SCG3: variants seen among roughly 807,000 people sequenced by gnomAD.
SCG3 encodes secretogranin-3.
SCG3 carries 38 observed loss-of-function variants against 56.2 expected under a neutral mutation model. The ratio of observed to expected loss-of-function variants is 0.68; its 90% CI spans 0.52 to 0.89. SCG3 has a LOEUF of 0.89. Ranked by LOEUF, SCG3 falls within the 40% of genes least tolerant of loss-of-function variation. The pLI, the probability that SCG3 is intolerant of heterozygous loss-of-function variation, is 0.00. For synonymous variants in SCG3, 176 were observed against 184.2 expected (o/e 0.96, Z 0.36); for missense variants, 524 against 540.7 (o/e 0.97, Z 0.31).
At chr15:51,690,354 C>A (rs2055258678) in intron 6 of SCG3, among the ~76,000 whole-genome samples, 1 of 152,148 alleles carries the variant, frequency 6.6e-6, no homozygotes, top group Non-Finnish European at 1.5e-5. Context: ...TTAGATGAAA[C>A]TGACCATAAG....
intron 10 of SCG3, 25 bp from the exon 11 acceptor site, chr15:51,713,308 G>A: frequency 6.8e-7 from 1 of 1,463,772 alleles, no homozygotes; most frequent in Non-Finnish European, 9.5e-7. Context: ...CTGAGTGTTT[G>A]ATATAGTTCT....
chr15:51,700,447 ACAAAGGATTACT>A (rs1654076116), intron 9 of SCG3, among the ~76,000 whole-genome samples: 1 of 152,244 alleles, frequency 6.6e-6, no homozygotes, highest in South Asian at 2.1e-4. Context: ...TTTTAATTCA[ACAAAGGATTACT>A]ACATGGAAAT....
At chr15:51,688,549 C>T (rs539384765) in intron 5 of SCG3, 147 bp downstream of exon 5, 16 of 653,840 alleles carry the variant, frequency 2.4e-5, no homozygotes, top group Non-Finnish European at 3.2e-5. Flanking sequence ...AGCAAAGCAC[C>T]ATTCTTTTTT....
chr15:51,701,708 C>A (rs1417003589), intron 10 of SCG3, among the ~76,000 whole-genome samples: 6 of 152,138 alleles, frequency 3.9e-5, no homozygotes, highest in African/African-American at 1.4e-4. Context: ...GGGTTTGAGA[C>A]CAGCCTGGGC....
chr15:51,690,951 G>T (rs920623923), intron 6 of SCG3, among the ~76,000 whole-genome samples: 38 of 152,150 alleles, frequency 2.5e-4, no homozygotes. Context: ...TAGTGGAAGA[G>T]GTAGATCATG....
Position 51,681,503 on chromosome 15 carries a change from A to C in SCG3, c.-253A>C, listed in dbSNP as rs1451581753. 1 of 526,064 alleles carries C rather than the reference A, an allele frequency of 1.9e-6. No homozygotes were observed. Among genetic ancestry groups the C allele is most frequent in the African/African-American group, 1.9e-5 (1 of 52,252 alleles). 32.6% of individuals were successfully genotyped at this position (526,064 alleles called of 1,614,324 possible). A position where few individuals can be genotyped will look rare whatever the true frequency, so the allele number is the denominator to read the frequency against. ...CGCCCTGGCGCGCAGTCTCCGCGTC[A>C]CAGGAACTTCAGCACCCACAGGGCG... On this transcript the variant is annotated 5_prime_UTR_variant, in exon 1 of 12. Coordinates refer to ENST00000220478, the MANE Select transcript of SCG3 (RefSeq NM_013243.4).
chr15:51,699,495 C>T (rs951673543), intron 9 of SCG3, 93 bp downstream of exon 9: 3 of 906,268 alleles, frequency 3.3e-6, no homozygotes, highest in African/African-American at 1.7e-5. Flanking sequence ...TTAAAAATTA[C>T]AGATTTTGAA....
At chr15:51,687,167 T>G (rs2055234522) in intron 4 of SCG3, among the ~76,000 whole-genome samples, 1 of 152,216 alleles carries the variant, frequency 6.6e-6, no homozygotes, top group African/African-American at 2.4e-5. Flanking sequence ...TACATTAGCT[T>G]TCATATATTA....
intron 4 of SCG3, 46 bp from the exon 5 acceptor site, chr15:51,688,214 T>C (rs1567216413): frequency 1.3e-6 from 2 of 1,557,928 alleles, no homozygotes; most frequent in Admixed American, 3.6e-5. Context: ...ATGCATGAAA[T>C]AGATCTATGA....
At chr15:51,717,187 G>A (rs2055462195) in intron 11 of SCG3, among the ~76,000 whole-genome samples, 1 of 152,144 alleles carries the variant, frequency 6.6e-6, no homozygotes, top group Non-Finnish European at 1.5e-5. Context: ...GGCCAATATG[G>A]TGAACCTCCA....
chr15:51,700,535 T>G (rs569787774), intron 9 of SCG3, among the ~76,000 whole-genome samples: 1 of 152,326 alleles, frequency 6.6e-6, no homozygotes, highest in Admixed American at 6.5e-5. Context: ...TTCAAGTCTC[T>G]TCTTCGAATT....
chr15:51,716,845 C>T (rs759189980), intron 11 of SCG3, among the ~76,000 whole-genome samples: 1 of 152,244 alleles, frequency 6.6e-6, no homozygotes, highest in Non-Finnish European at 1.5e-5. Flanking sequence ...CCTTCCTTTG[C>T]ACCAGTTGCA....
chr15:51,713,287 A>G (rs987461404), intron 10 of SCG3, 46 bp from the exon 11 acceptor site: 2 of 1,220,020 alleles, frequency 1.6e-6, no homozygotes, highest in African/African-American at 3.0e-5. Flanking sequence ...AATGAGATGT[A>G]GTGATATTTC....
intron 4 of SCG3, 79 bp from the exon 5 acceptor site, chr15:51,688,181 G>T: frequency 7.6e-7 from 1 of 1,322,368 alleles, no homozygotes; most frequent in Non-Finnish European, 1.0e-6. Context: ...CAAAAGCGAA[G>T]TACAGATTAT....
At chr15:51,709,691 A>ATT (rs2055402460) in intron 10 of SCG3, among the ~76,000 whole-genome samples, 1 of 15,328 alleles carries the variant, frequency 6.5e-5, no homozygotes, top group Non-Finnish European at 1.3e-4. Flanking sequence ...ATATATATAT[A>ATT]TATATATATA....
chr15:51,696,784 C>T (rs917321749), intron 8 of SCG3, among the ~76,000 whole-genome samples: 2 of 152,044 alleles, frequency 1.3e-5, no homozygotes, highest in Admixed American at 6.5e-5. Flanking sequence ...CACTCACTAT[C>T]GGAGGACAGC....
chr15:51,696,138 C>T (rs1178030597), intron 8 of SCG3, 147 bp downstream of exon 8: 3 of 649,626 alleles, frequency 4.6e-6, no homozygotes, highest in Non-Finnish European at 8.2e-6. Flanking sequence ...ATAATATATA[C>T]AAATAAAATT....
At position 51,699,403 on chromosome 15, in the gene SCG3, G is replaced by C; in HGVS notation, c.1069+1G>C. On this transcript the variant is annotated splice_donor_variant, in intron 9 of 11. Transcript: ENST00000220478. LOFTEE classifies it high-confidence loss of function. The stretch of plus-strand genomic sequence containing the variant: ...GACAATATAAGCAAGCTTTTCCCAG[G>C]TATGATTATTTAACTATTTTTTTAG... 6.3e-7 allele frequency: 1 copy of C among 1,584,326 alleles called. No individual in the cohort carries two copies. Among genetic ancestry groups the C allele is most frequent in the Non-Finnish European group, 8.6e-7 (1 of 1,161,690 alleles).
chr15:51,682,623 AT>A, intron 2 of SCG3, 54 bp downstream of exon 2: 2 of 993,508 alleles, frequency 2.0e-6, no homozygotes, highest in Non-Finnish European at 3.0e-6. Flanking sequence ...AGTTATTATT[AT>A]TTAATGTAAT....
Sources: allele counts gnomAD v4.1 joint callset (sites outside exome capture counted in the v4.1 genomes callset), GRCh38; gene constraint gnomAD v4.1.1; transcripts MANE v1.5; gene names NCBI Gene and HGNC (gene_info 2026-07-23, HGNC 2026-07-21).